Variants in JARID2 observed in about 807,000 individuals in gnomAD.
JARID2 encodes jumonji and AT-rich interaction domain containing 2.
Under a neutral mutation model 125.6 loss-of-function variants are expected in JARID2, and 21 were observed. That is an observed-to-expected ratio of 0.17 (90% CI 0.12 to 0.24). The LOEUF (loss-of-function observed/expected upper bound fraction) is 0.24. Ranked by LOEUF, JARID2 falls within the 10% of genes least tolerant of loss-of-function variation. The probability of loss-of-function intolerance (pLI) is 1.00; values close to 1 mark genes in which losing one functional copy is unlikely to be tolerated. For missense variants in JARID2, 1,303 were observed against 1,639.6 expected (o/e 0.79, Z 3.55); for synonymous variants, 736 against 661.6 (o/e 1.11, Z -1.73).
At chr6:15,438,039 C>G (rs1433329438) in intron 3 of JARID2, among the ~76,000 whole-genome samples, 2 of 152,076 alleles carry the variant, frequency 1.3e-5, no homozygotes, top group Non-Finnish European at 2.9e-5. Flanking sequence ...GGGGCCTGTT[C>G]TGGGTATGAA....
intron 8 of JARID2, 149 bp from the exon 9 acceptor site, chr6:15,504,351 C>T (rs1770892224): frequency 1.6e-6 from 1 of 612,922 alleles, no homozygotes; most frequent in Non-Finnish European, 2.9e-6. Flanking sequence ...TATATTTCTT[C>T]CTTCTCTGCC....
chr6:15,490,606 C>T (rs1298499593), intron 6 of JARID2, among the ~76,000 whole-genome samples: 2 of 152,216 alleles, frequency 1.3e-5, no homozygotes, highest in Non-Finnish European at 2.9e-5. Context: ...AATGCACATG[C>T]CTGTATAACA....
chr6:15,273,252 G>A (rs1225385066), intron 1 of JARID2, among the ~76,000 whole-genome samples: 1 of 152,122 alleles, frequency 6.6e-6, no homozygotes, highest in Non-Finnish European at 1.5e-5. Context: ...ACTTAGCGGG[G>A]CTCTCTGTAA....
chr6:15,329,604 C>T (rs548303466), intron 1 of JARID2, among the ~76,000 whole-genome samples: 8 of 152,278 alleles, frequency 5.3e-5, no homozygotes, highest in South Asian at 2.1e-4. Context: ...CTTTAATAAG[C>T]GGGTTAAACC....
chr6:15,512,683 C>T (rs1771337455), intron 14 of JARID2, among the ~76,000 whole-genome samples: 1 of 152,100 alleles, frequency 6.6e-6, no homozygotes. Flanking sequence ...CAGAGAACCT[C>T]CACCCATCGT....
intron 4 of JARID2, among the ~76,000 whole-genome samples, chr6:15,454,283 A>G (rs915064115): frequency 6.6e-6 from 1 of 151,930 alleles, no homozygotes; most frequent in Admixed American, 6.6e-5. Context: ...TGGCTTTGGG[A>G]CTGAATTGTT....
chr6:15,490,344 C>A (rs752297573), intron 6 of JARID2, among the ~76,000 whole-genome samples: 1 of 152,048 alleles, frequency 6.6e-6, no homozygotes, highest in Non-Finnish European at 1.5e-5. Flanking sequence ...GGGGTGCTGC[C>A]GAGAAGTGCC....
At chr6:15,451,961 C>T in intron 3 of JARID2, 45 bp from the exon 4 acceptor site, 2 of 1,593,210 alleles carry the variant, frequency 1.3e-6, no homozygotes, top group Non-Finnish European at 1.7e-6. Flanking sequence ...CCTATATCCT[C>T]CAGTCTCTGC....
At chr6:15,501,435 T>C in intron 8 of JARID2, 26 bp downstream of exon 8, 1 of 1,513,186 alleles carries the variant, frequency 6.6e-7, no homozygotes, top group Non-Finnish European at 8.8e-7. Context: ...GAGCAGCCAC[T>C]CCCAGCTGCA....
intron 1 of JARID2, among the ~76,000 whole-genome samples, chr6:15,251,377 C>T (rs114209067): frequency 2.3e-3 from 348 of 152,316 alleles, no homozygotes; most frequent in African/African-American, 7.4e-3. Context: ...ACTCACACTC[C>T]TGACATTGTC....
chr6:15,280,715 G>C (rs981714411), intron 1 of JARID2, among the ~76,000 whole-genome samples: 2 of 149,374 alleles, frequency 1.3e-5, no homozygotes, highest in African/African-American at 5.0e-5. Context: ...TGCAGCCTCT[G>C]CCTCCTGAGT....
intron 2 of JARID2, among the ~76,000 whole-genome samples, chr6:15,389,810 A>ACTG (rs1764930717): frequency 6.6e-6 from 1 of 152,160 alleles, no homozygotes; most frequent in Admixed American, 6.5e-5. Flanking sequence ...AAGACAGTGG[A>ACTG]CTATTTTATG....
intron 4 of JARID2, among the ~76,000 whole-genome samples, chr6:15,461,846 C>G (rs1464926070): frequency 2.0e-5 from 3 of 151,292 alleles, no homozygotes; most frequent in Non-Finnish European, 4.4e-5. Flanking sequence ...ATCCTGGAGT[C>G]TTGGATCCCA....
intron 3 of JARID2, among the ~76,000 whole-genome samples, chr6:15,438,159 G>GA (rs1767292211): frequency 6.6e-6 from 1 of 152,170 alleles, no homozygotes. Flanking sequence ...CAAATTGCTG[G>GA]AGGAGAAGCC....
At chr6:15,259,976 G>T (rs1039298300) in intron 1 of JARID2, among the ~76,000 whole-genome samples, 1 of 152,088 alleles carries the variant, frequency 6.6e-6, no homozygotes, top group African/African-American at 2.4e-5. Context: ...GTTTGGGCCT[G>T]GCAGTGTTTT....
chr6:15,379,159 A>T (rs1169935905), intron 2 of JARID2, among the ~76,000 whole-genome samples: 2 of 151,348 alleles, frequency 1.3e-5, no homozygotes, highest in Non-Finnish European at 3.0e-5. Context: ...TTACAGTGAC[A>T]AGGAATGAAT....
At chr6:15,353,515 A>G (rs945419951) in intron 1 of JARID2, among the ~76,000 whole-genome samples, 17 of 152,214 alleles carry the variant, frequency 1.1e-4, no homozygotes, top group African/African-American at 3.6e-4. Context: ...TCTCTTTCTG[A>G]ACAACAACAG....
At chr6:15,306,097 AG>A (rs1308226980) in intron 1 of JARID2, among the ~76,000 whole-genome samples, 2 of 152,108 alleles carry the variant, frequency 1.3e-5, no homozygotes, top group African/African-American at 2.4e-5. Context: ...CGAGGCTTAC[AG>A]TTTTCCCGGG....
chr6:15,484,207 C>A (rs1364416679), intron 5 of JARID2, among the ~76,000 whole-genome samples: 1 of 150,868 alleles, frequency 6.6e-6, no homozygotes, highest in Non-Finnish European at 1.5e-5. Context: ...TGTTGTATTT[C>A]TTTTTGCTCA....
Sources: allele counts gnomAD v4.1 joint callset (sites outside exome capture counted in the v4.1 genomes callset), GRCh38; gene constraint gnomAD v4.1.1; transcripts MANE v1.5; gene names NCBI Gene and HGNC (gene_info 2026-07-23, HGNC 2026-07-21).